The following ANGPTL1 variants were observed in gnomAD, a reference collection of about 807,000 sequenced individuals.
The protein encoded by ANGPTL1 is angiopoietin like 1, also known as angiopoietin-related protein 1.
ANGPTL1 carries 36 observed loss-of-function variants against 46.7 expected under a neutral mutation model. The observed-to-expected ratio is 0.77, with a 90% confidence interval of 0.59 to 1.02. The LOEUF (loss-of-function observed/expected upper bound fraction) is 1.02. Ranked by LOEUF, ANGPTL1 falls within the 50% of genes least tolerant of loss-of-function variation. The pLI is 0.00. For synonymous variants in ANGPTL1, 221 were observed against 204.3 expected, an observed-to-expected ratio of 1.08 and a Z score of -0.69; for missense variants, 571 against 594.7, an observed-to-expected ratio of 0.96 and a Z score of 0.41.
At chr1:178,856,202 G>GAGAGATATATATATATATATATAT (rs1428022812) in intron 3 of ANGPTL1, among the ~76,000 whole-genome samples, 8 of 83,902 alleles carry the variant, frequency 9.5e-5, no homozygotes, top group African/African-American at 5.1e-4. Context: ...GAGAGAGAGA[G>GAGAGATATATATATATATATATAT]ATATATATAT....
intron 1 of ANGPTL1, among the ~76,000 whole-genome samples, chr1:178,869,966 G>T (rs1463990427): frequency 6.6e-6 from 1 of 151,930 alleles, no homozygotes; most frequent in Non-Finnish European, 1.5e-5. Context: ...TGGCCTTTTA[G>T]TCATGAATTT....
chr1:178,865,856 C>G (rs1658371294), intron 2 of ANGPTL1, 54 bp from the exon 3 acceptor site: 1 of 1,116,954 alleles, frequency 9.0e-7, no homozygotes, highest in Non-Finnish European at 1.3e-6. Flanking sequence ...TCATATTAAT[C>G]TATGTTAAAG....
At position 178,865,527 on chromosome 1, in the gene ANGPTL1, C is replaced by T; in HGVS notation, c.250G>A (p.Asp84Asn). 6.2e-7 allele frequency: 1 copy of T among 1,614,104 alleles called. No homozygotes were observed. Among genetic ancestry groups the T allele is most frequent in the African/African-American group, 1.3e-5 (1 of 75,034 alleles). ...STIKDMITRM[D>N]LENLKDVLSR... The stretch of plus-strand genomic sequence containing the variant: ...AGCACATCCTTCAGGTTTTCAAGGT[C>T]CATCCTGGTGATCATGTCTTTAATG... The change falls in exon 3 of 6, where the codon GAC becomes AAC. Residue 84 changes from aspartate (D) to asparagine (N), a missense_variant. Physicochemically the swap from Asp to Asn is conservative, Grantham distance 23. Coordinates refer to ENST00000234816, the MANE Select transcript of ANGPTL1 (RefSeq NM_004673.4).
chr1:178,870,799 A>T lies in ANGPTL1; in HGVS notation c.-195T>A, dbSNP rs1304045932. On this transcript the variant is annotated 5_prime_UTR_variant, in exon 1 of 6. Transcript: ENST00000234816. ...ACTTGCTGCCCTTATTCTTGATTTT[A>T]AAAATCAGTGTAGAAGTTTGTTCAT... 1 of 152,168 alleles carries T rather than the reference A, an allele frequency of 6.6e-6. No individual in the cohort carries two copies. Among genetic ancestry groups the T allele is most frequent in the Non-Finnish European group, 1.5e-5 (1 of 68,024 alleles). 9.4% of individuals were successfully genotyped at this position (152,168 alleles called of 1,614,324 possible).
chr1:178,853,092 A>G (rs918024475), intron 4 of ANGPTL1, 139 bp from the exon 5 acceptor site: 1 of 1,427,692 alleles, frequency 7.0e-7, no homozygotes, highest in African/African-American at 1.4e-5. Flanking sequence ...TTAGTTGGTC[A>G]CTTGCGTTTT....
At chr1:178,853,965 T>G (rs1255369277) in intron 3 of ANGPTL1, among the ~76,000 whole-genome samples, 178 bp from the exon 4 acceptor site, 2 of 152,056 alleles carry the variant, frequency 1.3e-5, no homozygotes, top group African/African-American at 4.8e-5. Context: ...TCTGGAACAT[T>G]AATTTGTTTC....
rs555651437 is a variant in ANGPTL1 at position 178,852,631 on chromosome 1, T to A, written c.1288+52A>T. 6 of 1,530,626 alleles carry A rather than the reference T, an allele frequency of 3.9e-6. No individual in the cohort carries two copies. In the East Asian group the frequency reaches 1.4e-4, roughly 35 times the overall value. 94.8% of individuals were successfully genotyped at this position (1,530,626 alleles called of 1,614,324 possible). On this transcript the variant is annotated intron_variant, in intron 5 of 5. Transcript: ENST00000234816. ...AGCATATATATTAGTAGATTCTATTTAATGCATAGAAGGTGATGATTCTAC... is the reference window on the plus strand; with the variant it reads ...AGCATATATATTAGTAGATTCTATTAAATGCATAGAAGGTGATGATTCTAC...
intron 1 of ANGPTL1, among the ~76,000 whole-genome samples, chr1:178,869,714 T>G (rs1658630953): frequency 6.6e-6 from 1 of 152,122 alleles, no homozygotes; most frequent in East Asian, 1.9e-4. Flanking sequence ...AATTTTAGCT[T>G]TACCATTATT....
intron 2 of ANGPTL1, 125 bp downstream of exon 2, chr1:178,868,989 C>A (rs1658584493): frequency 6.6e-6 from 1 of 151,932 alleles, no homozygotes; most frequent in Non-Finnish European, 1.5e-5. Context: ...TTAATATTTT[C>A]TCACATATGT....
At chr1:178,854,661 A>C (rs1657409812) in intron 3 of ANGPTL1, among the ~76,000 whole-genome samples, 1 of 152,162 alleles carries the variant, frequency 6.6e-6, no homozygotes, top group Non-Finnish European at 1.5e-5. Flanking sequence ...TAGAACGATT[A>C]ACTAAGGTCA....
intron 1 of ANGPTL1, among the ~76,000 whole-genome samples, chr1:178,870,219 A>G (rs1332004528): frequency 6.6e-6 from 1 of 152,148 alleles, no homozygotes; most frequent in Non-Finnish European, 1.5e-5. Context: ...ATTTGGTTAT[A>G]CTGTAATTGA....
chr1:178,853,949 G>T (rs1657357800), intron 3 of ANGPTL1, among the ~76,000 whole-genome samples, 162 bp from the exon 4 acceptor site: 2 of 151,836 alleles, frequency 1.3e-5, no homozygotes, highest in African/African-American at 4.8e-5. Flanking sequence ...GGTGACTCCA[G>T]TTCTATCTGG....
At chr1:178,859,688 C>G (rs1657831797) in intron 3 of ANGPTL1, among the ~76,000 whole-genome samples, 1 of 138,898 alleles carries the variant, frequency 7.2e-6, no homozygotes, top group African/African-American at 2.6e-5. Flanking sequence ...ACATCATACA[C>G]GAAGCACTTT....
chr1:178,852,648 T>C (rs544426338), intron 5 of ANGPTL1, 35 bp downstream of exon 5: 3 of 1,584,818 alleles, frequency 1.9e-6, no homozygotes, highest in Non-Finnish European at 2.6e-6. Context: ...TAGAAGGTGA[T>C]GATTCTACAA....
At chr1:178,854,469 A>T (rs1339121568) in intron 3 of ANGPTL1, among the ~76,000 whole-genome samples, 1 of 152,184 alleles carries the variant, frequency 6.6e-6, no homozygotes, top group Admixed American at 6.6e-5. Context: ...AATAAACCAG[A>T]TGCCCAAACT....
At chr1:178,851,644 CAGA>C (rs1318928035) in intron 5 of ANGPTL1, among the ~76,000 whole-genome samples, 6 of 152,002 alleles carry the variant, frequency 3.9e-5, no homozygotes, top group Non-Finnish European at 8.8e-5. Flanking sequence ...AGGAAAGATA[CAGA>C]AGAAGATAAA....
chr1:178,857,598 C>T (rs1657676103), intron 3 of ANGPTL1, among the ~76,000 whole-genome samples: 1 of 152,158 alleles, frequency 6.6e-6, no homozygotes, highest in Non-Finnish European at 1.5e-5. Flanking sequence ...ATAGTTAATG[C>T]ACACATGAAA....
chr1:178,856,411 T>TGTTTG (rs1415518537), intron 3 of ANGPTL1, among the ~76,000 whole-genome samples: 1 of 111,240 alleles, frequency 9.0e-6, no homozygotes, highest in African/African-American at 3.9e-5. Context: ...TTTTTTTTTT[T>TGTTTG]TTTTTTTTTT....
Position 178,865,494 on chromosome 1 carries a change from GC to G in ANGPTL1, c.282del (p.Arg94SerfsTer6), listed in dbSNP as rs1658342907. ...TGCAGAACATCTATCTCCCGCTTCTGCCTGGAGAGCACATCCTTCAGGTTTT... is the reference window on the plus strand; with the variant it reads ...TGCAGAACATCTATCTCCCGCTTCTGCTGGAGAGCACATCCTTCAGGTTTT... ...DLENLKDVLS[R>X]QKREIDVLQL... On this transcript the variant is annotated frameshift_variant, in exon 3 of 6. Coordinates refer to ENST00000234816, the MANE Select transcript of ANGPTL1 (RefSeq NM_004673.4). LOFTEE classifies it high-confidence loss of function. 1 of 1,613,970 alleles carries G rather than the reference GC, an allele frequency of 6.2e-7. No homozygotes were observed. Among genetic ancestry groups the G allele is most frequent in the Non-Finnish European group, 8.5e-7 (1 of 1,179,972 alleles).
Sources: allele counts gnomAD v4.1 joint callset (sites outside exome capture counted in the v4.1 genomes callset), GRCh38; gene constraint gnomAD v4.1.1; transcripts MANE v1.5; gene names NCBI Gene and HGNC (gene_info 2026-07-23, HGNC 2026-07-21).